RUNX1: variants seen among roughly 807,000 people sequenced by gnomAD.
RUNX1 encodes RUNX family transcription factor 1, also known as runt-related transcription factor 1.
Under a neutral mutation model 42.8 loss-of-function variants are expected in RUNX1, and 19 were observed. That is an observed-to-expected ratio of 0.44 (90% CI 0.31 to 0.65). The LOEUF (loss-of-function observed/expected upper bound fraction) is 0.65, where lower values mean the gene tolerates loss of function less well. RUNX1 is among the 30% of genes least tolerant of loss of function. The pLI is 0.07. For synonymous variants in RUNX1, 271 were observed against 289.4 expected, an observed-to-expected ratio of 0.94 and a Z score of 0.64; for missense variants, 528 against 672.0, an observed-to-expected ratio of 0.79 and a Z score of 2.37.
chr21:35,017,643 G>A (rs929326190), intron 2 of RUNX1, among the ~76,000 whole-genome samples: 4 of 152,092 alleles, frequency 2.6e-5, no homozygotes, highest in African/African-American at 9.7e-5. Context: ...AGGGAACGTG[G>A]GAACTCTAAG....
chr21:35,026,133 C>T (rs1412774668), intron 2 of RUNX1, among the ~76,000 whole-genome samples: 1 of 152,164 alleles, frequency 6.6e-6, no homozygotes, highest in African/African-American at 2.4e-5. Flanking sequence ...AGTGCTTGTA[C>T]TTTTTAATGC....
At chr21:34,962,625 G>A (rs1436544023) in intron 2 of RUNX1, among the ~76,000 whole-genome samples, 1 of 152,136 alleles carries the variant, frequency 6.6e-6, no homozygotes, top group African/African-American at 2.4e-5. Flanking sequence ...GGCTGTGCTT[G>A]GGTGAAAAAG....
At chr21:35,033,041 C>A (rs2059283806) in intron 2 of RUNX1, among the ~76,000 whole-genome samples, 1 of 152,198 alleles carries the variant, frequency 6.6e-6, no homozygotes, top group Non-Finnish European at 1.5e-5. Context: ...AACTATCTAT[C>A]CATCTACCTG....
chr21:35,007,491 G>A (rs1224186891), intron 2 of RUNX1, among the ~76,000 whole-genome samples: 1 of 152,160 alleles, frequency 6.6e-6, no homozygotes, highest in Non-Finnish European at 1.5e-5. Context: ...GCCGTCCTTT[G>A]GATGTGCTAA....
chr21:35,040,563 G>C (rs572850568), intron 2 of RUNX1, among the ~76,000 whole-genome samples: 373 of 151,930 alleles, frequency 2.5e-3, no homozygotes, highest in Non-Finnish European at 3.9e-3. Flanking sequence ...CACGAGGTCG[G>C]GAGATCGAAA....
rs1028092510 is a variant in RUNX1 at position 35,002,107 on chromosome 21, A to ATATTAT, written c.58+46729_58+46734dup. Among the ~76,000 whole-genome samples, 14 of 151,692 alleles carry ATATTAT rather than the reference A, an allele frequency of 9.2e-5. No individual in the cohort carries two copies. In the South Asian group the frequency reaches 2.7e-3, roughly 29 times the overall value. ...AGTGTAATCCCCCATCAAAATCCCAATATTATTATTATTATTATTACTATT... is the reference window on the plus strand; with the variant it reads ...AGTGTAATCCCCCATCAAAATCCCAATATTATTATTATTATTATTATTATTACTATT... On this transcript the variant is annotated intron_variant, in intron 2 of 8. Transcript: ENST00000675419.
intron 2 of RUNX1, among the ~76,000 whole-genome samples, chr21:34,930,558 C>T (rs552694336): frequency 5.9e-5 from 9 of 151,804 alleles, no homozygotes; most frequent in Admixed American, 2.0e-4. Context: ...GGCTAGTGGC[C>T]GCCATATTAG....
intron 2 of RUNX1, among the ~76,000 whole-genome samples, chr21:34,935,439 AGAAAT>A (rs2058477712): frequency 1.3e-5 from 2 of 152,360 alleles, no homozygotes; most frequent in Admixed American, 1.3e-4. Context: ...AGTTGAAGAA[AGAAAT>A]GAAATAATGT....
At chr21:34,963,125 C>G (rs770505368) in intron 2 of RUNX1, among the ~76,000 whole-genome samples, 6 of 152,232 alleles carry the variant, frequency 3.9e-5, no homozygotes, top group African/African-American at 7.2e-5. Flanking sequence ...GTGTTTGTAT[C>G]TTTAAGCGCT....
At position 34,934,386 on chromosome 21, in the gene RUNX1, A is replaced by G. The variant is rs549662873; in HGVS notation, c.59-41423T>C. On this transcript the variant is annotated intron_variant, in intron 2 of 8. Transcript: ENST00000675419. ...TTCTCTTGATTGCATCTAGATATTT[A>G]TTGAAACCATGTTTGCTGAATGACA... Among the ~76,000 whole-genome samples the G allele has an allele frequency of 8.5e-5, 13 of 152,088 alleles. 1 individual carries two copies. The highest frequency in any genetic ancestry group is 2.7e-4 in the African/African-American group (11 of 41,466).
chr21:35,010,100 A>G (rs900471705), intron 2 of RUNX1, among the ~76,000 whole-genome samples: 4 of 152,188 alleles, frequency 2.6e-5, no homozygotes, highest in South Asian at 2.1e-4. Context: ...GACGTCTGTG[A>G]CAGCTGAATA....
chr21:34,856,635 T>C (rs2057498739), intron 6 of RUNX1, among the ~76,000 whole-genome samples: 1 of 152,324 alleles, frequency 6.6e-6, no homozygotes, highest in African/African-American at 2.4e-5. Context: ...CTGGGGCTAT[T>C]TTCCCTTACC....
At position 34,789,865 on chromosome 21, in the gene RUNX1, T is replaced by A. The variant is rs1289805787; in HGVS notation, c.*2270A>T. 1 of 233,088 alleles carries A rather than the reference T, an allele frequency of 4.3e-6. No homozygotes were observed. The highest frequency in any genetic ancestry group is 8.5e-6 in the Non-Finnish European group (1 of 118,016). 14.4% of individuals were successfully genotyped at this position (233,088 alleles called of 1,614,324 possible). ...ATATCTTCAGTTAACAGAATTAAAC[T>A]GAAAAACATAATTTTTTCCTTCATT... On this transcript the variant is annotated 3_prime_UTR_variant, in exon 9 of 9. Coordinates refer to ENST00000675419, the MANE Select transcript of RUNX1 (RefSeq NM_001754.5).
At chr21:34,982,165 CTCAAG>C (rs2058851164) in intron 2 of RUNX1, among the ~76,000 whole-genome samples, 2 of 152,148 alleles carry the variant, frequency 1.3e-5, no homozygotes, top group African/African-American at 2.4e-5. Flanking sequence ...CGCTTATCTA[CTCAAG>C]TCATTATAAC....
chr21:34,931,182 C>A (rs998006847), intron 2 of RUNX1, among the ~76,000 whole-genome samples: 2 of 152,046 alleles, frequency 1.3e-5, no homozygotes, highest in Non-Finnish European at 2.9e-5. Flanking sequence ...ATCCTCCTTA[C>A]ACATCTGTGC....
At chr21:34,951,402 A>C (rs1422330923) in intron 2 of RUNX1, among the ~76,000 whole-genome samples, 1 of 152,214 alleles carries the variant, frequency 6.6e-6, no homozygotes, top group Non-Finnish European at 1.5e-5. Flanking sequence ...TTTTGTTGCC[A>C]TTGCTTTTGG....
At chr21:34,836,732 AG>A (rs2057152685) in intron 6 of RUNX1, among the ~76,000 whole-genome samples, 1 of 152,204 alleles carries the variant, frequency 6.6e-6, no homozygotes, top group African/African-American at 2.4e-5. Flanking sequence ...CACATTCCTC[AG>A]GCACTTAGTG....
chr21:34,841,505 CATGAAGTACAGGT>C (rs2057234626), intron 6 of RUNX1, among the ~76,000 whole-genome samples: 1 of 152,142 alleles, frequency 6.6e-6, no homozygotes, highest in African/African-American at 2.4e-5. Flanking sequence ...TCTCAGGTGA[CATGAAGTACAGGT>C]CATGTCACCT....
chr21:35,033,586 G>A (rs975560347), intron 2 of RUNX1, among the ~76,000 whole-genome samples: 40 of 152,310 alleles, frequency 2.6e-4, no homozygotes, highest in African/African-American at 9.4e-4. Context: ...CCTGTCAGGT[G>A]CCTTTAATGA....
Sources: gnomAD v4.1 joint callset for allele counts (sites outside exome capture counted in the v4.1 genomes callset) on GRCh38, gnomAD v4.1.1 for gene constraint, MANE v1.5 for transcripts, NCBI Gene and HGNC (gene_info 2026-07-23, HGNC 2026-07-21) for gene names.